The following C16orf46 variants were observed in gnomAD, a reference collection of about 807,000 sequenced individuals.
The protein encoded by C16orf46 is uncharacterized protein C16orf46.
C16orf46 carries 7 observed loss-of-function variants against 5.5 expected under a neutral mutation model. That is an observed-to-expected ratio of 1.28 (90% CI 0.73 to 2.40). The LOEUF is 2.40. C16orf46 is among the 30% of genes most tolerant of loss of function. C16orf46 has a pLI of 0.00. For synonymous variants in C16orf46, 200 were observed against 184.1 expected (o/e 1.09, Z -0.70); for missense variants, 614 against 476.0 (o/e 1.29, Z -2.70).
intron 3 of C16orf46, 61 bp downstream of exon 3, chr16:81,063,685 G>A: frequency 2.8e-6 from 4 of 1,415,538 alleles, no homozygotes; most frequent in Non-Finnish European, 3.9e-6. Flanking sequence ...GGAAAAAGAG[G>A]CTTGCACCAA....
intron 3 of C16orf46, 87 bp downstream of exon 3, chr16:81,063,659 A>T: frequency 1.8e-6 from 2 of 1,138,786 alleles, no homozygotes; most frequent in Admixed American, 4.4e-5. Context: ...TTTTTTGGTA[A>T]TATTAACTAT....
At chr16:81,072,117 G>A (rs1404299474) in intron 1 of C16orf46, 1 of 152,214 alleles carries the variant, frequency 6.6e-6, no homozygotes, top group Non-Finnish European at 1.5e-5. Context: ...TCACAGCTTT[G>A]AGAAATGTCC....
At chr16:81,060,792 G>C (rs1463935683), downstream of C16orf46, 1 of 224,654 alleles carries the variant, frequency 4.5e-6, no homozygotes, top group East Asian at 1.1e-4. Context: ...GGGCTGACGT[G>C]CGGCCAGCAT....
intron 1 of C16orf46, among the ~76,000 whole-genome samples, chr16:81,069,351 C>G (rs1161782049): frequency 6.6e-6 from 1 of 152,188 alleles, no homozygotes; most frequent in Non-Finnish European, 1.5e-5. Context: ...TGTATGATGT[C>G]TGGGACTCTG....
chr16:81,055,710 G>C (rs904160104), intron 3 of C16orf46, among the ~76,000 whole-genome samples: 2 of 151,898 alleles, frequency 1.3e-5, no homozygotes, highest in African/African-American at 4.8e-5. Flanking sequence ...AAAATAAGTA[G>C]AGAAACTTCT....
At chr16:81,071,332 G>A (rs1276222760) in intron 1 of C16orf46, among the ~76,000 whole-genome samples, 1 of 151,698 alleles carries the variant, frequency 6.6e-6, no homozygotes, top group Non-Finnish European at 1.5e-5. Flanking sequence ...CTGTGATCAA[G>A]GCTAAATGCC....
At chr16:81,070,048 CCA>C (rs1165854974) in intron 1 of C16orf46, 14 of 152,246 alleles carry the variant, frequency 9.2e-5, no homozygotes, top group African/African-American at 3.4e-4. Context: ...CTGCTTGAAC[CCA>C]AGAGGCGGAG....
intron 3 of C16orf46, chr16:81,054,242 A>G: frequency 2.0e-6 from 1 of 501,408 alleles, no homozygotes; most frequent in Non-Finnish European, 3.4e-6. Flanking sequence ...AGATGAAACT[A>G]GTCTCTAAAA....
At chr16:81,071,890 G>A (rs954246531) in intron 1 of C16orf46, 1 of 152,246 alleles carries the variant, frequency 6.6e-6, no homozygotes, top group Non-Finnish European at 1.5e-5. Context: ...AAGAGCCACT[G>A]TCTTTGCCTA....
intron 1 of C16orf46, among the ~76,000 whole-genome samples, chr16:81,069,534 GA>G (rs1971773777): frequency 6.6e-6 from 1 of 151,922 alleles, no homozygotes; most frequent in Non-Finnish European, 1.5e-5. Context: ...GCAAATCACA[GA>G]CATTGCCTCA....
Position 81,063,932 on chromosome 16 carries a change from C to G in C16orf46, c.24G>C (p.Glu8Asp). 1 of 1,612,918 alleles carries G rather than the reference C, an allele frequency of 6.2e-7. No homozygotes were observed. Among genetic ancestry groups the G allele is most frequent in the Non-Finnish European group, 8.5e-7 (1 of 1,179,468 alleles). Residue 8 changes from glutamate to aspartate, a missense_variant, in exon 3 of 4, where the codon GAG becomes GAC. Physicochemically the swap from Glu to Asp is conservative, Grantham distance 45. Transcript: ENST00000299578. MDLCQKN[E>D]TDLENAENNE... ...TATTTTCAGCATTTTCTAAGTCAGT[C>G]TCATTTTTCTGACAGAGATCCATTA...
intron 1 of C16orf46, among the ~76,000 whole-genome samples, chr16:81,071,522 G>A (rs958168956): frequency 1.1e-4 from 16 of 152,132 alleles, no homozygotes; most frequent in African/African-American, 3.9e-4. Context: ...TGAGGCAGGA[G>A]GATCACTTGA....
In C16orf46 at chr16:81,067,140, G is replaced by A. The variant is rs972694005; in HGVS notation, c.-127-859C>T. 1.2e-4 allele frequency among the ~76,000 whole-genome samples: 19 copies of A among 152,230 alleles called. No homozygotes were observed. In the South Asian group the frequency reaches 2.1e-3, roughly 17 times the overall value. On this transcript the variant is annotated intron_variant, in intron 1 of 3. Transcript: ENST00000299578. ...AACGAAAGAAAGATGGTGAATGAGA[G>A]CCTAAAAAATATAGCCTATGGAAAT...
chr16:81,061,106 A>C lies in C16orf46; in HGVS notation c.*55T>G. ...GTGGGAAATGAGAGAGAAGAAAGAG[A>C]AAGGATGGCTGCATCTCAAACGGTG... On this transcript the variant is annotated 3_prime_UTR_variant, in exon 4 of 4. Transcript: ENST00000299578. 3 of 1,521,342 alleles carry C rather than the reference A, an allele frequency of 2.0e-6. No individual in the cohort carries two copies. The highest frequency in any genetic ancestry group is 2.6e-6 in the Non-Finnish European group (3 of 1,135,592). 94.2% of individuals were successfully genotyped at this position (1,521,342 alleles called of 1,614,324 possible). A position where few individuals can be genotyped will look rare whatever the true frequency, so the allele number is the denominator to read the frequency against.
chr16:81,059,603 A>G (rs1301655586), downstream of C16orf46, among the ~76,000 whole-genome samples: 1 of 152,142 alleles, frequency 6.6e-6, no homozygotes, highest in East Asian at 1.9e-4. Flanking sequence ...ATGTCATTTA[A>G]TTTAGATAGA....
chr16:81,058,673 T>A (rs777291721), downstream of C16orf46, among the ~76,000 whole-genome samples: 1 of 152,196 alleles, frequency 6.6e-6, no homozygotes, highest in Non-Finnish European at 1.5e-5. Context: ...TAGAGGGAAA[T>A]TATCCAGCTT....
At chr16:81,060,832 C>T (rs960475950), downstream of C16orf46, 7 of 356,036 alleles carry the variant, frequency 2.0e-5, no homozygotes, top group Non-Finnish European at 3.1e-5. Context: ...GGATTCCCCA[C>T]TTTCTGCGTG....
chr16:81,064,232 C>T (rs1449434109), intron 2 of C16orf46, among the ~76,000 whole-genome samples: 2 of 151,460 alleles, frequency 1.3e-5, no homozygotes, highest in Admixed American at 1.3e-4. Flanking sequence ...AAAAATAAGG[C>T]GGGCACCTGT....
At chr16:81,066,984 G>A (rs1406491307) in intron 1 of C16orf46, among the ~76,000 whole-genome samples, 1 of 152,156 alleles carries the variant, frequency 6.6e-6, no homozygotes, top group Non-Finnish European at 1.5e-5. Flanking sequence ...TATTACACAA[G>A]CTATTAAAGT....
Sources: gnomAD v4.1 joint callset for allele counts (sites outside exome capture counted in the v4.1 genomes callset) on GRCh38, gnomAD v4.1.1 for gene constraint, MANE v1.5 for transcripts, NCBI Gene and HGNC (gene_info 2026-07-23, HGNC 2026-07-21) for gene names.